IL1R1: variants seen among roughly 807,000 people sequenced by gnomAD.
IL1R1 encodes the protein interleukin 1 receptor type 1.
A neutral mutation model predicts 50.2 loss-of-function variants in IL1R1; 22 were observed. That is an observed-to-expected ratio of 0.44 (90% CI 0.31 to 0.63). The LOEUF is 0.63. IL1R1 is among the 20% of genes least tolerant of loss of function. The pLI, the probability that IL1R1 is intolerant of heterozygous loss-of-function variation, is 0.07. For synonymous variants in IL1R1, 251 were observed against 236.7 expected, an observed-to-expected ratio of 1.06 and a Z score of -0.55; for missense variants, 509 against 676.2, an observed-to-expected ratio of 0.75 and a Z score of 2.74.
intron 1 of IL1R1, among the ~76,000 whole-genome samples, chr2:102,135,289 G>A (rs1682283856): frequency 6.6e-6 from 1 of 152,102 alleles, no homozygotes; most frequent in Non-Finnish European, 1.5e-5. Flanking sequence ...AATGCTTTAC[G>A]CTGTTCTTTG....
chr2:102,093,796 G>A (rs996322924), intron 1 of IL1R1, among the ~76,000 whole-genome samples: 2 of 152,234 alleles, frequency 1.3e-5, no homozygotes, highest in African/African-American at 4.8e-5. Context: ...CCTACCTGCA[G>A]TGGGACCTCC....
chr2:102,134,114 A>G (rs1682201944), intron 1 of IL1R1, among the ~76,000 whole-genome samples: 1 of 152,236 alleles, frequency 6.6e-6, no homozygotes, highest in Non-Finnish European at 1.5e-5. Flanking sequence ...TGAAATTTAA[A>G]AACAATAGCC....
At chr2:102,171,203 T>C (rs897481332) in intron 7 of IL1R1, among the ~76,000 whole-genome samples, 10 of 152,220 alleles carry the variant, frequency 6.6e-5, no homozygotes, top group African/African-American at 2.2e-4. Context: ...GACATTTTCT[T>C]CTCTCAAAAG....
At chr2:102,145,494 C>T (rs1208170904) in intron 1 of IL1R1, among the ~76,000 whole-genome samples, 1 of 152,198 alleles carries the variant, frequency 6.6e-6, no homozygotes, top group Non-Finnish European at 1.5e-5. Context: ...TGTGCTGTCT[C>T]CTCTTCATGC....
upstream of IL1R1, among the ~76,000 whole-genome samples, chr2:102,099,764 G>A (rs543542227): frequency 6.6e-6 from 1 of 152,274 alleles, no homozygotes; most frequent in South Asian, 2.1e-4. Context: ...CATTTGTTTG[G>A]TTTTGTTTTC....
intron 3 of IL1R1, among the ~76,000 whole-genome samples, chr2:102,162,585 A>T (rs1462156429): frequency 6.6e-6 from 1 of 151,582 alleles, no homozygotes; most frequent in Non-Finnish European, 1.5e-5. Flanking sequence ...TGTTTTTTTA[A>T]TGACTGCTCT....
intron 1 of IL1R1, among the ~76,000 whole-genome samples, chr2:102,082,707 A>C (rs948081854): frequency 1.3e-5 from 2 of 152,168 alleles, no homozygotes; most frequent in African/African-American, 4.8e-5. Context: ...TCTTTTTTAA[A>C]TATTTCAAGC....
At chr2:102,157,666 T>G in intron 2 of IL1R1, 53 bp from the exon 3 acceptor site, 1 of 1,188,992 alleles carries the variant, frequency 8.4e-7, no homozygotes. Flanking sequence ...AGAGATTTGC[T>G]GGAAAAGTAA....
chr2:102,169,922 G>A (rs1021431714), intron 7 of IL1R1, among the ~76,000 whole-genome samples: 1 of 151,886 alleles, frequency 6.6e-6, no homozygotes, highest in Admixed American at 6.6e-5. Flanking sequence ...CTGATATACT[G>A]TGGCCCTTTG....
intron 2 of IL1R1, among the ~76,000 whole-genome samples, chr2:102,157,376 C>A (rs1057099071): frequency 6.6e-6 from 1 of 151,866 alleles, no homozygotes. Flanking sequence ...GGCTTAGGGG[C>A]GAGTGCATAG....
At chr2:102,116,416 T>C (rs934193510) in intron 1 of IL1R1, among the ~76,000 whole-genome samples, 3 of 152,204 alleles carry the variant, frequency 2.0e-5, no homozygotes, top group Non-Finnish European at 2.9e-5. Context: ...GCTTTTCCTT[T>C]TCAAAATACA....
rs533584832 is a variant in IL1R1 at position 102,083,518 on chromosome 2, G to A, written c.-84+12985G>A. Among the ~76,000 whole-genome samples the A allele has an allele frequency of 5.5e-4, 84 of 152,286 alleles. 1 individual carries two copies. In the Middle Eastern group the frequency reaches 0.014, roughly 25 times the overall value. ...CCCTGAGCTGGCCTTGACACAAACA[G>A]ATACGGGCTCTTCCATCCTTGGGTC... On this transcript the variant is annotated intron_variant, in intron 1 of 11. Transcript: ENST00000409929.
chr2:102,107,507 G>C (rs1227828376), intron 1 of IL1R1, among the ~76,000 whole-genome samples: 1 of 151,934 alleles, frequency 6.6e-6, no homozygotes, highest in Non-Finnish European at 1.5e-5. Context: ...TGGGAGGAGG[G>C]GGGAGGGATA....
chr2:102,091,575 G>C (rs1679668464), intron 1 of IL1R1, among the ~76,000 whole-genome samples: 1 of 152,190 alleles, frequency 6.6e-6, no homozygotes, highest in African/African-American at 2.4e-5. Context: ...GATCAAGTCA[G>C]AGTATGTGGA....
chr2:102,071,259 T>C (rs1454024076), intron 1 of IL1R1, among the ~76,000 whole-genome samples: 1 of 152,202 alleles, frequency 6.6e-6, no homozygotes, highest in Non-Finnish European at 1.5e-5. Context: ...CTGATTCTAA[T>C]TTATATCAAA....
chr2:102,161,007 T>G (rs1684676220), intron 3 of IL1R1, among the ~76,000 whole-genome samples: 1 of 152,222 alleles, frequency 6.6e-6, no homozygotes. Flanking sequence ...TACTTTGTTC[T>G]TTTTCTAGTT....
At chr2:102,103,137 G>A (rs913905016), upstream of IL1R1, among the ~76,000 whole-genome samples, 3 of 151,952 alleles carry the variant, frequency 2.0e-5, no homozygotes, top group Admixed American at 6.6e-5. Flanking sequence ...AAGTACCCCT[G>A]AAACTAAAAT....
intron 1 of IL1R1, among the ~76,000 whole-genome samples, chr2:102,116,247 G>A (rs1681065255): frequency 6.6e-6 from 1 of 152,166 alleles, no homozygotes; most frequent in Non-Finnish European, 1.5e-5. Flanking sequence ...TGAGAAAAAA[G>A]TTTAAGGGCT....
chr2:102,127,657 C>CTGTGTGTGTGTG (rs60587758), intron 1 of IL1R1, among the ~76,000 whole-genome samples: 4 of 144,844 alleles, frequency 2.8e-5, no homozygotes, highest in East Asian at 2.0e-4. Context: ...GTGTGTGTGA[C>CTGTGTGTGTGTG]TGTGTGTGTG....
Sources: allele counts gnomAD v4.1 joint callset (sites outside exome capture counted in the v4.1 genomes callset), GRCh38; gene constraint gnomAD v4.1.1; transcripts MANE v1.5; gene names NCBI Gene and HGNC (gene_info 2026-07-23, HGNC 2026-07-21).